Variants in PBX1 observed in about 807,000 individuals in gnomAD.
PBX1 encodes pre-B-cell leukemia transcription factor 1.
A neutral mutation model predicts 53.4 loss-of-function variants in PBX1; 6 were observed. That is an observed-to-expected ratio of 0.11 (90% CI 0.06 to 0.22). The LOEUF (loss-of-function observed/expected upper bound fraction) is 0.22, where lower values mean the gene tolerates loss of function less well. Ranked by LOEUF, PBX1 falls within the 10% of genes least tolerant of loss-of-function variation. The pLI, the probability that PBX1 is intolerant of heterozygous loss-of-function variation, is 1.00. For missense variants in PBX1, 251 were observed against 551.4 expected (o/e 0.46, Z 5.46); for synonymous variants, 204 against 212.3 (o/e 0.96, Z 0.34).
At chr1:164,791,482 C>A (rs920600293) in intron 2 of PBX1, among the ~76,000 whole-genome samples, 7 of 152,190 alleles carry the variant, frequency 4.6e-5, no homozygotes, top group Admixed American at 1.3e-4. Flanking sequence ...AGCTAAACGA[C>A]CCTGCTCAAG....
At chr1:164,794,659 T>G (rs1449109521) in intron 3 of PBX1, among the ~76,000 whole-genome samples, 1 of 152,156 alleles carries the variant, frequency 6.6e-6, no homozygotes, top group East Asian at 1.9e-4. Flanking sequence ...TCATTTAGAA[T>G]TTGCAGTCTG....
chr1:164,745,218 C>T (rs1241147907), intron 2 of PBX1, among the ~76,000 whole-genome samples: 1 of 152,092 alleles, frequency 6.6e-6, no homozygotes, highest in Non-Finnish European at 1.5e-5. Flanking sequence ...AAGCATGGGC[C>T]ACAGATTGAG....
chr1:164,752,206 T>TTG (rs10629820), intron 2 of PBX1, among the ~76,000 whole-genome samples: 69,100 of 142,658 alleles, frequency 0.48, 16,986 homozygotes, highest in Admixed American at 0.57. Flanking sequence ...CTTTAAGGTT[T>TTG]TGTGTGTGTG....
At chr1:164,772,467 G>A (rs565786562) in intron 2 of PBX1, among the ~76,000 whole-genome samples, 1 of 152,290 alleles carries the variant, frequency 6.6e-6, no homozygotes, top group Admixed American at 6.5e-5. Flanking sequence ...CTCACAACTG[G>A]TCTGGAAAAA....
At chr1:164,770,146 ATAAAGAAGTC>A (rs1667289315) in intron 2 of PBX1, 1 of 152,244 alleles carries the variant, frequency 6.6e-6, no homozygotes, top group South Asian at 2.1e-4. Context: ...TACTATCAAA[ATAAAGAAGTC>A]TAAATTGATA....
At chr1:164,768,138 C>T (rs899898504) in intron 2 of PBX1, among the ~76,000 whole-genome samples, 1 of 151,962 alleles carries the variant, frequency 6.6e-6, no homozygotes, top group African/African-American at 2.4e-5. Flanking sequence ...GTAAAAAAAA[C>T]CTAACATTGA....
intron 5 of PBX1, among the ~76,000 whole-genome samples, chr1:164,809,845 T>A (rs1387977841): frequency 6.6e-6 from 1 of 152,168 alleles, no homozygotes; most frequent in Admixed American, 6.5e-5. Flanking sequence ...AGAGCTACTC[T>A]AAGTGTGATC....
chr1:164,844,909 A>G (rs1271146230), intron 8 of PBX1, among the ~76,000 whole-genome samples: 1 of 152,244 alleles, frequency 6.6e-6, no homozygotes, highest in Non-Finnish European at 1.5e-5. Context: ...TATCACAAAC[A>G]GCAGGGGGAA....
At chr1:164,617,581 T>C (rs983133451) in intron 2 of PBX1, among the ~76,000 whole-genome samples, 8 of 152,172 alleles carry the variant, frequency 5.3e-5, no homozygotes, top group Admixed American at 5.2e-4. Context: ...TTCCCCGAGG[T>C]TTAATATGTT....
At position 164,666,644 on chromosome 1, in the gene PBX1, A is replaced by G. The variant is rs902469390; in HGVS notation, c.265+103333A>G. Among the ~76,000 whole-genome samples the G allele has an allele frequency of 3.4e-4, 51 of 152,174 alleles. 1 individual carries two copies. The highest frequency in any genetic ancestry group is 1.2e-3 in the African/African-American group (48 of 41,440). ...ATACTAGTTTCCAAGAATATCAGTA[A>G]ATAACACCTATGGGCCTAGGAGAGG... is the stretch of plus-strand genomic sequence containing the variant. On this transcript the variant is annotated intron_variant, in intron 2 of 8. Coordinates refer to ENST00000420696, the MANE Select transcript of PBX1 (RefSeq NM_002585.4).
intron 2 of PBX1, among the ~76,000 whole-genome samples, chr1:164,606,898 A>G (rs948650416): frequency 6.6e-6 from 1 of 152,248 alleles, no homozygotes; most frequent in African/African-American, 2.4e-5. Flanking sequence ...TTATAAAATC[A>G]TTTATTTACA....
intron 8 of PBX1, among the ~76,000 whole-genome samples, chr1:164,824,139 G>A (rs74118217): frequency 0.015 from 2,352 of 152,266 alleles, 57 homozygotes; most frequent in African/African-American, 0.054. Flanking sequence ...TTCGGTGGAG[G>A]ACATTTTCTG....
chr1:164,788,861 G>A (rs867747739), intron 2 of PBX1, among the ~76,000 whole-genome samples: 3 of 149,052 alleles, frequency 2.0e-5, no homozygotes, highest in East Asian at 2.0e-4. Context: ...TATTTATGCC[G>A]TGGTGCATTG....
chr1:164,826,074 G>T (rs1670443534), intron 8 of PBX1, among the ~76,000 whole-genome samples: 1 of 152,158 alleles, frequency 6.6e-6, no homozygotes, highest in Non-Finnish European at 1.5e-5. Flanking sequence ...TCACCTCTGT[G>T]TTGTTGCTTC....
intron 2 of PBX1, among the ~76,000 whole-genome samples, chr1:164,735,923 T>C (rs547680645): frequency 5.3e-5 from 8 of 152,306 alleles, no homozygotes; most frequent in African/African-American, 1.9e-4. Flanking sequence ...CAGTAGCCAC[T>C]ACAGGCCACA....
At chr1:164,742,085 C>A in intron 2 of PBX1, among the ~76,000 whole-genome samples, 1 of 152,138 alleles carries the variant, frequency 6.6e-6, no homozygotes, top group East Asian at 1.9e-4. Context: ...GAAAGGTAAC[C>A]TTTCTTATTC....
At chr1:164,778,697 G>A (rs1389195673) in intron 2 of PBX1, among the ~76,000 whole-genome samples, 2 of 151,978 alleles carry the variant, frequency 1.3e-5, no homozygotes, top group African/African-American at 2.4e-5. Context: ...CATGTGTGTC[G>A]TTAGTAGTTT....
chr1:164,570,376 A>C (rs928284938), intron 2 of PBX1, among the ~76,000 whole-genome samples: 1 of 151,914 alleles, frequency 6.6e-6, no homozygotes, highest in African/African-American at 2.4e-5. Context: ...ACCCCCTGAC[A>C]GGCCCCAGTG....
chr1:164,673,928 C>G (rs1020644698), intron 2 of PBX1, among the ~76,000 whole-genome samples: 2 of 152,114 alleles, frequency 1.3e-5, no homozygotes, highest in African/African-American at 4.8e-5. Context: ...TTCGTTACTC[C>G]CTTGTAGGGA....
Sources: allele counts gnomAD v4.1 joint callset (sites outside exome capture counted in the v4.1 genomes callset), GRCh38; gene constraint gnomAD v4.1.1; transcripts MANE v1.5; gene names NCBI Gene and HGNC (gene_info 2026-07-23, HGNC 2026-07-21).